PLA2R1: variants seen among roughly 807,000 people sequenced by gnomAD.
PLA2R1 encodes phospholipase A2 receptor 1, also known as secretory phospholipase A2 receptor.
In PLA2R1, 158 loss-of-function variants were observed where a neutral mutation model predicts 195.9. The ratio of observed to expected loss-of-function variants is 0.81; its 90% confidence interval spans 0.71 to 0.92. The LOEUF is 0.92. Ranked by LOEUF, PLA2R1 falls within the 40% of genes least tolerant of loss-of-function variation. PLA2R1 has a pLI of 0.00. For missense variants in PLA2R1, 1,626 were observed against 1,764.6 expected (o/e 0.92, Z 1.41); for synonymous variants, 586 against 598.2 (o/e 0.98, Z 0.30).
intron 6 of PLA2R1, 120 bp from the exon 7 acceptor site, chr2:160,022,979 A>C (rs1693242623): frequency 9.1e-6 from 6 of 660,430 alleles, no homozygotes; most frequent in Non-Finnish European, 1.0e-5. Context: ...AGAAATATAC[A>C]AAATGACATA....
rs778723231 is a variant in PLA2R1 at position 160,005,670 on chromosome 2, A to AGT, written c.1814_1815dup (p.Trp606ThrfsTer27). 1 of 1,614,010 alleles carries AGT rather than the reference A, an allele frequency of 6.2e-7. No individual in the cohort carries two copies. The highest frequency in any genetic ancestry group is 1.7e-5 in the Admixed American group (1 of 60,002). ...TACTCACGCGGCTGGTGTGTGTTCC[A>AGT]GTGTGTGTACTGCACCGGCTCGGGT... is the stretch of plus-strand genomic sequence containing the variant. On this transcript the variant is annotated frameshift_variant, in exon 11 of 30. Transcript: ENST00000283243. LOFTEE classifies it high-confidence loss of function.
intron 23 of PLA2R1, among the ~76,000 whole-genome samples, chr2:159,952,569 T>G (rs1687811439): frequency 6.6e-6 from 1 of 152,216 alleles, no homozygotes; most frequent in Non-Finnish European, 1.5e-5. Flanking sequence ...GAGGTGTGGA[T>G]AGGTCATGAG....
chr2:160,052,521 T>C (rs556545916), intron 1 of PLA2R1, among the ~76,000 whole-genome samples: 11 of 152,386 alleles, frequency 7.2e-5, no homozygotes, highest in African/African-American at 2.6e-4. Context: ...TTTGCCTTTA[T>C]TTAACTGGAA....
intron 3 of PLA2R1, among the ~76,000 whole-genome samples, chr2:160,037,329 A>G (rs531545532): frequency 6.6e-6 from 1 of 152,278 alleles, no homozygotes; most frequent in South Asian, 2.1e-4. Context: ...GTAAGTCCTT[A>G]CCTTTATGAC....
intron 27 of PLA2R1, chr2:159,945,913 T>C (rs1296762625): frequency 1.9e-5 from 16 of 826,262 alleles, no homozygotes; most frequent in South Asian, 1.3e-4. Flanking sequence ...ATATTCCATA[T>C]ATATATATAA....
At chr2:160,013,614 C>T (rs530948387) in intron 9 of PLA2R1, among the ~76,000 whole-genome samples, 4 of 151,164 alleles carry the variant, frequency 2.6e-5, no homozygotes, top group South Asian at 2.1e-4. Flanking sequence ...TAACTTAAAA[C>T]GTAAAACCTT....
chr2:159,973,277 G>T (rs1429016608), intron 17 of PLA2R1, among the ~76,000 whole-genome samples: 2 of 152,014 alleles, frequency 1.3e-5, no homozygotes, highest in Non-Finnish European at 2.9e-5. Context: ...AGTGCCCAAG[G>T]TAGGCACAAA....
intron 27 of PLA2R1, 57 bp downstream of exon 27, chr2:159,946,744 A>G (rs1455948791): frequency 6.6e-7 from 1 of 1,508,268 alleles, no homozygotes; most frequent in Admixed American, 2.5e-5. Context: ...TGCCATTATC[A>G]TCAGCTTTAA....
At chr2:159,986,149 T>C (rs1340230023) in intron 12 of PLA2R1, among the ~76,000 whole-genome samples, 1 of 151,998 alleles carries the variant, frequency 6.6e-6, no homozygotes, top group African/African-American at 2.4e-5. Flanking sequence ...TGAATACAAG[T>C]TGAGCATCCC....
Position 159,952,089 on chromosome 2 carries a change from G to A in PLA2R1, c.3302-511C>T, listed in dbSNP as rs576145627. Among the ~76,000 whole-genome samples the A allele has an allele frequency of 7.9e-5, 12 of 152,324 alleles. No homozygotes were observed. The South Asian group carries it at 2.3e-3, about 29-fold the overall frequency. On this transcript the variant is annotated intron_variant, in intron 23 of 29. Transcript: ENST00000283243. ...TCACTATTATGCTTAATGTTTGCAT[G>A]TATAAATTCTAAAAGGAATTTTAAA...
At chr2:159,999,933 G>A (rs1458785062) in intron 11 of PLA2R1, among the ~76,000 whole-genome samples, 3 of 152,116 alleles carry the variant, frequency 2.0e-5, no homozygotes, top group Non-Finnish European at 4.4e-5. Flanking sequence ...TGAAATGCTG[G>A]ATAAAACATT....
In PLA2R1 at chr2:160,005,828, AGGGG is replaced by A. The variant is rs1224540928; in HGVS notation, c.1665-11_1665-8del. 6.3e-7 allele frequency: 1 copy of A among 1,599,654 alleles called. No individual in the cohort carries two copies. Among genetic ancestry groups the A allele is most frequent in the South Asian group, 1.1e-5 (1 of 90,428 alleles). On this transcript the variant is annotated splice_polypyrimidine_tract_variant and splice_region_variant and intron_variant, in intron 10 of 29. Transcript: ENST00000283243. Reference sequence around the variant, plus strand: ...AATAAAAGCCTGTTCAAACCTTAAAAGGGGAAAAAAGAAGTGGTTACATTAAGTT... The same window carrying A: ...AATAAAAGCCTGTTCAAACCTTAAAAAAAAAAGAAGTGGTTACATTAAGTT...
At chr2:160,060,236 G>A (rs1695860418) in intron 1 of PLA2R1, among the ~76,000 whole-genome samples, 1 of 152,226 alleles carries the variant, frequency 6.6e-6, no homozygotes, top group Non-Finnish European at 1.5e-5. Context: ...CGTGGCTAAA[G>A]TGAGTCAATG....
intron 11 of PLA2R1, among the ~76,000 whole-genome samples, chr2:159,988,122 A>T (rs2666998): frequency 0.86 from 129,905 of 151,482 alleles, 55,949 homozygotes; most frequent in African/African-American, 0.92. Context: ...GATTCTTAAG[A>T]TTGTCAGCAA....
intron 23 of PLA2R1, among the ~76,000 whole-genome samples, chr2:159,954,122 C>T (rs940592388): frequency 3.9e-5 from 6 of 152,278 alleles, no homozygotes; most frequent in Admixed American, 2.6e-4. Flanking sequence ...CGTGAGCCAC[C>T]GTGCCTAGCA....
chr2:159,976,124 G>C lies in PLA2R1; in HGVS notation c.2539C>G (p.Leu847Val), dbSNP rs911379517. The C allele has an allele frequency of 1.2e-6, 2 of 1,612,948 alleles. No homozygotes were observed. Among genetic ancestry groups the C allele is most frequent in the South Asian group, 1.1e-5 (1 of 90,996 alleles). ...TCATGTGCAGAATGAATTGTGAGAAGATCACTGTGCAGCCAGCTACAGACA... is the reference window on the plus strand; with the variant it reads ...TCATGTGCAGAATGAATTGTGAGAACATCACTGTGCAGCCAGCTACAGACA... Reference protein sequence around the residue: ...EFVCSWLHSDLLTIHSAHEQE... With the variant: ...EFVCSWLHSDVLTIHSAHEQE... The change falls in exon 17 of 30, where the codon CTT (leucine) becomes GTT (valine). Residue 847 changes from leucine to valine, a missense_variant. By Grantham distance (32) the Leu-to-Val change is conservative. Transcript: ENST00000283243.
At chr2:159,950,474 A>G (rs1218477146) in intron 24 of PLA2R1, among the ~76,000 whole-genome samples, 3 of 152,206 alleles carry the variant, frequency 2.0e-5, no homozygotes, top group African/African-American at 7.2e-5. Flanking sequence ...TTTGTTGTGC[A>G]TTGTTTATAA....
chr2:159,982,616 C>T (rs1314098920), intron 13 of PLA2R1, among the ~76,000 whole-genome samples: 1 of 152,194 alleles, frequency 6.6e-6, no homozygotes. Flanking sequence ...CTGCACAAGA[C>T]TCACATGGAG....
rs547766484 is a variant in PLA2R1 at position 160,054,129 on chromosome 2, C to T, written c.109+8166G>A. 4.6e-5 allele frequency among the ~76,000 whole-genome samples: 7 copies of T among 152,308 alleles called. No homozygotes were observed. The South Asian group carries it at 1.0e-3, about 23-fold the overall frequency. The stretch of plus-strand genomic sequence containing the variant: ...GTATCTGCCTTGGTTTTCCCATCTG[C>T]ACAATGGGTTTAATAGTAATGCTGG... On this transcript the variant is annotated intron_variant, in intron 1 of 29. Transcript: ENST00000283243.
Sources: allele counts gnomAD v4.1 joint callset (sites outside exome capture counted in the v4.1 genomes callset), GRCh38; gene constraint gnomAD v4.1.1; transcripts MANE v1.5; gene names NCBI Gene and HGNC (gene_info 2026-07-23, HGNC 2026-07-21).